The following LPAR6 variants were observed in gnomAD, a reference collection of about 807,000 sequenced individuals.
LPAR6 encodes G-protein coupled purinergic receptor P2Y5.
A neutral mutation model predicts 22.0 loss-of-function variants in LPAR6; 17 were observed. The observed-to-expected ratio is 0.77, with a 90% CI of 0.53 to 1.16. The LOEUF (loss-of-function observed/expected upper bound fraction) is 1.16, where lower values mean the gene tolerates loss of function less well. LPAR6 is among the 50% of genes most tolerant of loss of function. The pLI is 0.00. For missense variants in LPAR6, 384 were observed against 406.9 expected (o/e 0.94, Z 0.48); for synonymous variants, 136 against 139.8 (o/e 0.97, Z 0.19).
intron 1 of LPAR6, among the ~76,000 whole-genome samples, chr13:48,405,430 TA>T (rs1159180029): frequency 2.0e-5 from 3 of 152,224 alleles, no homozygotes; most frequent in Non-Finnish European, 4.4e-5. Context: ...TGCCAGACAC[TA>T]AAATAAATGA....
chr13:48,414,675 GTGT>G (rs1488070522), upstream of LPAR6, among the ~76,000 whole-genome samples: 1 of 151,912 alleles, frequency 6.6e-6, no homozygotes, highest in East Asian at 1.9e-4. Flanking sequence ...AAAATGTTTT[GTGT>G]TGTTTTGCAC....
At chr13:48,440,438 T>C (rs2138304289) in intron 1 of LPAR6, among the ~76,000 whole-genome samples, 1 of 152,340 alleles carries the variant, frequency 6.6e-6, no homozygotes, top group Non-Finnish European at 1.5e-5. Context: ...CATTTACTTA[T>C]GTACAAATAG....
chr13:48,402,139 C>G (rs1027564052), intron 1 of LPAR6, among the ~76,000 whole-genome samples: 4 of 152,060 alleles, frequency 2.6e-5, no homozygotes. Flanking sequence ...ATAGGATACA[C>G]TAATCCAATA....
intron 1 of LPAR6, among the ~76,000 whole-genome samples, chr13:48,440,158 A>G (rs1446071578): frequency 6.6e-6 from 1 of 152,174 alleles, no homozygotes; most frequent in African/African-American, 2.4e-5. Context: ...TGCATGTTTA[A>G]TAAAGCTTCC....
intron 1 of LPAR6, among the ~76,000 whole-genome samples, chr13:48,443,960 C>T (rs1949263111): frequency 6.6e-6 from 1 of 152,150 alleles, no homozygotes; most frequent in Non-Finnish European, 1.5e-5. Context: ...CAACAGTTGT[C>T]AACACAAAAG....
chr13:48,411,504 C>T lies in LPAR6; in HGVS notation c.920G>A (p.Trp307Ter), dbSNP rs1357480270. The change falls in exon 1 of 1, where the codon TGG becomes TAG. Residue 307 changes from tryptophan to a stop codon, truncating the protein, a stop_gained. Coordinates refer to ENST00000620633, the MANE Select transcript of LPAR6 (RefSeq NM_001162498.3). LOFTEE classifies it high-confidence loss of function. ...TCTGAAGTCACTTCTCCTGACAGACCAGTTTTTCATTTTTATTGAATTCTG... is the reference window on the plus strand; with the variant it reads ...TCTGAAGTCACTTCTCCTGACAGACTAGTTTTTCATTTTTATTGAATTCTG... ...TIQNSIKMKN[W>*]SVRRSDFRFS... The T allele has an allele frequency of 6.2e-7, 1 of 1,612,510 alleles. No individual in the cohort carries two copies. Among genetic ancestry groups the T allele is most frequent in the South Asian group, 1.1e-5 (1 of 90,930 alleles).
At chr13:48,418,328 T>C (rs562829670) in intron 2 of LPAR6, among the ~76,000 whole-genome samples, 2 of 152,190 alleles carry the variant, frequency 1.3e-5, no homozygotes, top group Non-Finnish European at 2.9e-5. Flanking sequence ...GATAAGCAAA[T>C]GTTGAGAGAT....
chr13:48,390,936 G>C (rs1422658067), intron 1 of LPAR6, among the ~76,000 whole-genome samples: 1 of 151,980 alleles, frequency 6.6e-6, no homozygotes. Context: ...CCTTTTAATT[G>C]GGATGTTTAG....
chr13:48,413,911 G>T (rs1390174493), upstream of LPAR6, among the ~76,000 whole-genome samples: 1 of 152,048 alleles, frequency 6.6e-6, no homozygotes, highest in Non-Finnish European at 1.5e-5. Flanking sequence ...AAAATTTTAG[G>T]TTCATAGTCT....
chr13:48,404,768 G>A (rs761167606), intron 1 of LPAR6, among the ~76,000 whole-genome samples: 2 of 151,900 alleles, frequency 1.3e-5, no homozygotes, highest in African/African-American at 2.4e-5. Context: ...ATCGTGATCC[G>A]CCTGCCTCGG....
chr13:48,438,997 T>C (rs1356409647), intron 1 of LPAR6, among the ~76,000 whole-genome samples: 1 of 152,170 alleles, frequency 6.6e-6, no homozygotes, highest in Non-Finnish European at 1.5e-5. Context: ...TTGTGGCCAG[T>C]GGAACTAATT....
chr13:48,422,128 C>G (rs949322507), intron 2 of LPAR6, among the ~76,000 whole-genome samples: 2 of 152,140 alleles, frequency 1.3e-5, no homozygotes, highest in Non-Finnish European at 2.9e-5. Context: ...AAATGCGCAT[C>G]AATGATAGAC....
In LPAR6 at chr13:48,411,351, T is replaced by C; in HGVS notation, c.*38A>G. 6.5e-7 allele frequency: 1 copy of C among 1,529,520 alleles called. No homozygotes were observed. Among genetic ancestry groups the C allele is most frequent in the Non-Finnish European group, 9.0e-7 (1 of 1,106,930 alleles). 94.7% of individuals were successfully genotyped at this position (1,529,520 alleles called of 1,614,324 possible). On this transcript the variant is annotated 3_prime_UTR_variant, in exon 1 of 1. Transcript: ENST00000620633. Reference sequence around the variant, plus strand: ...AGACACTTTTCACAGTTGAAGGAACTTGAAAGTTCTGTCCCAGTGAGTCCT... The same window carrying C: ...AGACACTTTTCACAGTTGAAGGAACCTGAAAGTTCTGTCCCAGTGAGTCCT...
At chr13:48,392,567 T>C (rs1948619243) in intron 1 of LPAR6, among the ~76,000 whole-genome samples, 1 of 152,196 alleles carries the variant, frequency 6.6e-6, no homozygotes, top group East Asian at 1.9e-4. Flanking sequence ...AGTCTTACTA[T>C]AGTTTTCATT....
At position 48,399,795 on chromosome 13, in the gene LPAR6, A is replaced by C. The variant is rs73197551; in HGVS notation, n.115-9983T>G. 8.9e-3 allele frequency among the ~76,000 whole-genome samples: 1,351 copies of C among 152,144 alleles called. 10 individuals carry two copies. Among genetic ancestry groups the C allele is most frequent in the Non-Finnish European group, 0.014 (945 of 67,894 alleles). On this transcript the variant is annotated intron_variant and non_coding_transcript_variant, in intron 1 of 1. Transcript: ENST00000462781. ...CTAAACCTTTGCTCAAGTAACTTGT[A>C]GTACCTGAGTCCTATGTCTGATCCC...
chr13:48,430,740 A>C (rs1003452200), upstream of LPAR6, among the ~76,000 whole-genome samples: 10 of 54,772 alleles, frequency 1.8e-4, no homozygotes, highest in African/African-American at 3.4e-4. Context: ...TCTCCATCTC[A>C]AAAACAAAAA....
At chr13:48,397,481 C>G (rs569936450) in intron 1 of LPAR6, among the ~76,000 whole-genome samples, 1 of 151,932 alleles carries the variant, frequency 6.6e-6, no homozygotes, top group East Asian at 1.9e-4. Context: ...CATCACACAC[C>G]GGGGCCTGTC....
intron 1 of LPAR6, among the ~76,000 whole-genome samples, chr13:48,396,724 G>T (rs200290519): frequency 6.6e-6 from 1 of 152,152 alleles, no homozygotes; most frequent in Non-Finnish European, 1.5e-5. Context: ...TACAGAATGG[G>T]AGAAAATTTT....
At chr13:48,416,095 G>A (rs568627584), upstream of LPAR6, among the ~76,000 whole-genome samples, 18 of 152,264 alleles carry the variant, frequency 1.2e-4, no homozygotes, top group African/African-American at 4.3e-4. Flanking sequence ...TTCTTATATG[G>A]ATTTTTTGGG....
Sources: gnomAD v4.1 joint callset for allele counts (sites outside exome capture counted in the v4.1 genomes callset) on GRCh38, gnomAD v4.1.1 for gene constraint, MANE v1.5 for transcripts, NCBI Gene and HGNC (gene_info 2026-07-23, HGNC 2026-07-21) for gene names.